ORC5: variants seen among roughly 807,000 people sequenced by gnomAD.
ORC5 encodes the protein origin recognition complex subunit 5, also known as protein phosphatase 1, regulatory subunit 117.
ORC5 carries 39 observed loss-of-function variants against 58.8 expected under a neutral mutation model. That is an observed-to-expected ratio of 0.66 (90% confidence interval 0.51 to 0.87). ORC5 has a LOEUF of 0.87. Among genes scored for constraint, ORC5 ranks in the 40% least tolerant of loss-of-function variants. The probability of loss-of-function intolerance (pLI) is 0.00; values close to 1 mark genes in which losing one functional copy is unlikely to be tolerated. For missense variants in ORC5, 493 were observed against 506.3 expected (o/e 0.97, Z 0.25); for synonymous variants, 218 against 177.6 (o/e 1.23, Z -1.81).
At chr7:104,197,670 C>T in intron 4 of ORC5, 55 bp downstream of exon 4, 2 of 1,185,510 alleles carry the variant, frequency 1.7e-6, no homozygotes, top group Non-Finnish European at 2.4e-6. Context: ...AAAACTTTTA[C>T]AACACAATCC....
intron 5 of ORC5, among the ~76,000 whole-genome samples, chr7:104,194,713 T>G (rs919847407): frequency 6.6e-6 from 1 of 152,168 alleles, no homozygotes; most frequent in Non-Finnish European, 1.5e-5. Context: ...TTTACAAGTC[T>G]AGTCTGATTA....
chr7:104,191,592 T>C (rs1799677938), intron 5 of ORC5, among the ~76,000 whole-genome samples: 1 of 151,956 alleles, frequency 6.6e-6, no homozygotes, highest in Non-Finnish European at 1.5e-5. Context: ...AGAATAGGAA[T>C]CCTCACTGTG....
At chr7:104,203,498 T>C (rs913823430) in intron 2 of ORC5, among the ~76,000 whole-genome samples, 2 of 152,232 alleles carry the variant, frequency 1.3e-5, no homozygotes, top group African/African-American at 2.4e-5. Flanking sequence ...CTAACCTTTA[T>C]TGAGTGCTTA....
At chr7:104,164,337 T>C (rs1799072499) in intron 11 of ORC5, among the ~76,000 whole-genome samples, 1 of 152,084 alleles carries the variant, frequency 6.6e-6, no homozygotes, top group South Asian at 2.1e-4. Context: ...GACAGGAGGA[T>C]CACTTAAGCC....
intron 2 of ORC5, 94 bp from the exon 3 acceptor site, chr7:104,201,052 C>A (rs1291788737): frequency 1.9e-6 from 2 of 1,058,454 alleles, no homozygotes; most frequent in African/African-American, 1.6e-5. Context: ...CTTTCTAAAT[C>A]TATATCCCAC....
intron 12 of ORC5, among the ~76,000 whole-genome samples, chr7:104,150,371 C>T (rs1210357381): frequency 6.6e-6 from 1 of 152,084 alleles, no homozygotes; most frequent in East Asian, 1.9e-4. Flanking sequence ...CACAACCCAA[C>T]AAGCACCACA....
Position 104,136,071 on chromosome 7 carries a change from A to G in ORC5, c.1262+710T>C, listed in dbSNP as rs184565268. 2.4e-4 allele frequency among the ~76,000 whole-genome samples: 36 copies of G among 152,314 alleles called. No individual in the cohort carries two copies. Among genetic ancestry groups the G allele is most frequent in the South Asian group, 4.1e-4 (2 of 4,824 alleles). On this transcript the variant is annotated intron_variant, in intron 13 of 13. Transcript: ENST00000297431. This position sits in a 1 kb window ranked among gnomAD's most constrained non-coding sequence, Gnocchi z 4.2. ...AAACTTGTATTTTTAGACAGCTTTC[A>G]TTTTGACAAATGTACTTTCTTCCCC...
chr7:104,185,060 T>A (rs1799515198), intron 6 of ORC5, among the ~76,000 whole-genome samples: 1 of 139,940 alleles, frequency 7.1e-6, no homozygotes, highest in Admixed American at 7.3e-5. Flanking sequence ...TTGAGTCTCA[T>A]ATTTTGTGTA....
rs746698932 is a variant in ORC5 at position 104,173,838 on chromosome 7, A to ATTTT, written c.825-5317_825-5314dup. Among the ~76,000 whole-genome samples the ATTTT allele has an allele frequency of 7.3e-4, 89 of 122,758 alleles. 4 individuals carry two copies. The highest frequency in any genetic ancestry group is 4.3e-3 in the East Asian group (19 of 4,454). The allele number at this position is 122,758 out of a possible 152,430, so 80.5% of individuals were successfully genotyped here. A position where few individuals can be genotyped will look rare whatever the true frequency, so the allele number is the denominator to read the frequency against. On this transcript the variant is annotated intron_variant, in intron 8 of 13. Transcript: ENST00000297431. ...TTTAATCTGCATACCTGGGTTTAAA[A>ATTTT]TTTTTTCTTTTTTTTTTTTTTTTTG...
At chr7:104,161,220 A>G (rs772674456) in intron 11 of ORC5, 38 bp from the exon 12 acceptor site, 1 of 1,102,314 alleles carries the variant, frequency 9.1e-7, no homozygotes, top group East Asian at 2.4e-5. Context: ...TTTTCTTCTT[A>G]TACCAGAGCA....
chr7:104,207,219 G>A (rs1370921559), intron 1 of ORC5, among the ~76,000 whole-genome samples: 1 of 147,884 alleles, frequency 6.8e-6, no homozygotes, highest in African/African-American at 2.4e-5. Context: ...ATTGGTGAAC[G>A]CTACCCTCTG....
intron 9 of ORC5, chr7:104,167,975 T>G (rs1234572640): frequency 2.0e-5 from 3 of 152,680 alleles, no homozygotes; most frequent in Admixed American, 2.0e-4. Context: ...AAAAAAAATT[T>G]TTTTTCAATA....
chr7:104,159,165 A>T (rs1267784492), intron 12 of ORC5, among the ~76,000 whole-genome samples: 1 of 150,802 alleles, frequency 6.6e-6, no homozygotes, highest in African/African-American at 2.5e-5. Flanking sequence ...TGATGAGTTC[A>T]TGTCCTCTGT....
chr7:104,205,086 C>CTTTTT lies in ORC5; in HGVS notation c.73-857_73-853dup, dbSNP rs10672012. Among the ~76,000 whole-genome samples, 98 of 99,442 alleles carry CTTTTT rather than the reference C, an allele frequency of 9.9e-4. 2 individuals carry two copies. Among genetic ancestry groups the CTTTTT allele is most frequent in the Non-Finnish European group, 1.5e-3 (76 of 51,340 alleles). 65.2% of individuals were successfully genotyped at this position (99,442 alleles called of 152,430 possible). On this transcript the variant is annotated intron_variant, in intron 1 of 13. Transcript: ENST00000297431. ...GAAAACTTGATTTTTTAATAATACT[C>CTTTTT]TTTTTTTTTTTTTTTTTTTTTGAGA... is the stretch of plus-strand genomic sequence containing the variant.
chr7:104,155,062 CAT>C (rs1798901333), intron 12 of ORC5, among the ~76,000 whole-genome samples: 2 of 151,892 alleles, frequency 1.3e-5, no homozygotes, highest in South Asian at 4.1e-4. Flanking sequence ...ATATATCCTA[CAT>C]ATCTTATAAA....
rs1310716477 is a variant in ORC5 at position 104,159,133 on chromosome 7, A to C, written c.1149+1939T>G. Among the ~76,000 whole-genome samples the C allele has an allele frequency of 4.4e-3, 664 of 150,692 alleles. 8 individuals are homozygous for C. Among genetic ancestry groups the C allele is most frequent in the African/African-American group, 0.016 (633 of 40,304 alleles). Reference sequence around the variant, plus strand: ...AAAATGTGGCACATATACACCATGGAATACTATGCAGCCATAAAAAATGAT... The same window carrying C: ...AAAATGTGGCACATATACACCATGGCATACTATGCAGCCATAAAAAATGAT... On this transcript the variant is annotated intron_variant, in intron 12 of 13. Coordinates refer to ENST00000297431, the MANE Select transcript of ORC5 (RefSeq NM_002553.4).
intron 8 of ORC5, among the ~76,000 whole-genome samples, chr7:104,170,324 A>G (rs1295806881): frequency 6.6e-6 from 1 of 152,218 alleles, no homozygotes; most frequent in African/African-American, 2.4e-5. Flanking sequence ...ATGTGAATAC[A>G]TTCTTATGGG....
intron 12 of ORC5, among the ~76,000 whole-genome samples, chr7:104,152,916 G>T (rs917304513): frequency 5.3e-5 from 8 of 152,122 alleles, no homozygotes; most frequent in African/African-American, 1.9e-4. Context: ...TTAGGCACTG[G>T]TTTCATTTTT....
chr7:104,161,288 C>T (rs1449680065), intron 11 of ORC5, 106 bp from the exon 12 acceptor site: 1 of 608,904 alleles, frequency 1.6e-6, no homozygotes. Flanking sequence ...TATATAGTTC[C>T]CCTAAAAATG....
Sources: gnomAD v4.1 joint callset for allele counts (sites outside exome capture counted in the v4.1 genomes callset) on GRCh38, gnomAD v4.1.1 for gene constraint, Gnocchi (gnomAD v3.1) non-coding constraint, MANE v1.5 for transcripts, NCBI Gene and HGNC (gene_info 2026-07-23, HGNC 2026-07-21) for gene names.